Variants in PIK3C2B observed in about 807,000 individuals in gnomAD.
PIK3C2B encodes phosphatidylinositol-4-phosphate 3-kinase catalytic subunit type 2 beta.
PIK3C2B carries 83 observed loss-of-function variants against 184.3 expected under a neutral mutation model. The ratio of observed to expected loss-of-function variants is 0.45; its 90% CI spans 0.38 to 0.54. The LOEUF (loss-of-function observed/expected upper bound fraction) is 0.54. Ranked by LOEUF, PIK3C2B falls within the 20% of genes least tolerant of loss-of-function variation. PIK3C2B has a pLI of 0.00. For missense variants in PIK3C2B, 1,736 were observed against 2,113.5 expected, an observed-to-expected ratio of 0.82 and a Z score of 3.50; for synonymous variants, 779 against 837.6, an observed-to-expected ratio of 0.93 and a Z score of 1.21.
intron 1 of PIK3C2B, among the ~76,000 whole-genome samples, chr1:204,474,757 T>C (rs1285401514): frequency 1.3e-5 from 2 of 151,996 alleles, no homozygotes; most frequent in Admixed American, 6.6e-5. Flanking sequence ...TCCAAATATG[T>C]ATCTCTCCTT....
Position 204,469,119 on chromosome 1 carries a change from A to G in PIK3C2B, c.684T>C (p.Tyr228=). The part of the protein sequence containing the change: ...GQGRLLGSVD[Y]DGINDAITRL... ...TAGTAATTGCATCATTGATACCATC[A>G]TAGTCCACAGACCCCAGTAGGCGCC... Residue 228 remains tyrosine, a synonymous_variant, in exon 2 of 33, where the codon TAT becomes TAC. Transcript: ENST00000684373. 2 of 1,614,184 alleles carry G rather than the reference A, an allele frequency of 1.2e-6. No homozygotes were observed. The highest frequency in any genetic ancestry group is 4.5e-5 in the East Asian group (2 of 44,880).
At chr1:204,492,135 G>T (rs553873082) in intron 1 of PIK3C2B, among the ~76,000 whole-genome samples, 3 of 152,100 alleles carry the variant, frequency 2.0e-5, no homozygotes, top group Non-Finnish European at 4.4e-5. Context: ...CCTTATGTGG[G>T]AGGCTAAACC....
intron 2 of PIK3C2B, among the ~76,000 whole-genome samples, chr1:204,468,295 C>G (rs2999480): frequency 0.95 from 143,816 of 152,168 alleles, 68,161 homozygotes; most frequent in Non-Finnish European, 0.99. Flanking sequence ...GAGGAGGAGA[C>G]AGAAGGCTTA....
At chr1:204,450,398 G>T (rs924115023) in intron 12 of PIK3C2B, among the ~76,000 whole-genome samples, 1 of 152,094 alleles carries the variant, frequency 6.6e-6, no homozygotes, top group African/African-American at 2.4e-5. Flanking sequence ...CAGAGGGTCC[G>T]CAAAGCTACT....
intron 22 of PIK3C2B, among the ~76,000 whole-genome samples, chr1:204,439,624 T>TC (rs1218874000): frequency 6.6e-6 from 1 of 151,324 alleles, no homozygotes; most frequent in Non-Finnish European, 1.5e-5. Flanking sequence ...GTCTCTCTCC[T>TC]TCTCTCTCTC....
chr1:204,465,841 A>C (rs1371745632), intron 2 of PIK3C2B, among the ~76,000 whole-genome samples: 1 of 152,224 alleles, frequency 6.6e-6, no homozygotes, highest in Non-Finnish European at 1.5e-5. Context: ...TAGATAGAGG[A>C]GATGACTCAG....
chr1:204,443,458 G>A lies in PIK3C2B; in HGVS notation c.3007C>T (p.Leu1003=). ...QCWLVNALAK[L]AQQVREAAPS... is the part of the protein sequence containing the mutation. ...GCTGCCTCCCGGACCTGCTGGGCCA[G>A]TTTGGCCAGGGCATTGACAAGCCAG... Residue 1003 remains leucine, a synonymous_variant, in exon 19 of 33, where the codon CTG becomes TTG. Coordinates refer to ENST00000684373, the MANE Select transcript of PIK3C2B (RefSeq NM_001377334.1). 6.2e-7 allele frequency: 1 copy of A among 1,614,216 alleles called. No individual in the cohort carries two copies. The highest frequency in any genetic ancestry group is 8.5e-7 in the Non-Finnish European group (1 of 1,180,048).
At chr1:204,456,156 A>C (rs545518382) in intron 10 of PIK3C2B, 105 bp from the exon 11 acceptor site, 1 of 820,550 alleles carries the variant, frequency 1.2e-6, no homozygotes, top group Admixed American at 3.0e-5. Flanking sequence ...AGTGGTCCCC[A>C]AATGCTAGTC....
chr1:204,473,686 G>A (rs1321854829), intron 1 of PIK3C2B, among the ~76,000 whole-genome samples: 1 of 152,222 alleles, frequency 6.6e-6, no homozygotes, highest in Non-Finnish European at 1.5e-5. Flanking sequence ...CAGGCCATTG[G>A]AAATAATCTT....
intron 1 of PIK3C2B, among the ~76,000 whole-genome samples, chr1:204,476,323 G>A (rs1384745488): frequency 6.6e-6 from 1 of 152,118 alleles, no homozygotes; most frequent in Non-Finnish European, 1.5e-5. Context: ...GTAATCCCAA[G>A]GACTTTGGGA....
rs1675202045 is a variant in PIK3C2B at position 204,433,826 on chromosome 1, C to T, written c.3810G>A (p.Lys1270=). The T allele has an allele frequency of 1.9e-6, 3 of 1,614,166 alleles. No homozygotes were observed. The highest frequency in any genetic ancestry group is 2.5e-6 in the Non-Finnish European group (3 of 1,180,010). ...LCCQAYNLIR[K]HTHLFLNLLG... ...GAAGGTTGAGGAAGAGGTGGGTGTG[C>T]TTGCGAATGAGGTTGTAGGCTTGGC... The change falls in exon 25 of 33, where the codon AAG becomes AAA. Residue 1270 remains lysine, a synonymous_variant. Transcript: ENST00000684373. The surrounding 1 kb of genome is among the most constrained non-coding windows in gnomAD (Gnocchi z 5.0).
chr1:204,452,096 G>GTGCAAGAT (rs1654409799), intron 12 of PIK3C2B, among the ~76,000 whole-genome samples: 1 of 152,172 alleles, frequency 6.6e-6, no homozygotes, highest in East Asian at 1.9e-4. Flanking sequence ...TGGATGGACA[G>GTGCAAGAT]TGCAAGATAG....
intron 1 of PIK3C2B, among the ~76,000 whole-genome samples, chr1:204,480,340 C>T (rs1044380715): frequency 6.6e-6 from 1 of 152,182 alleles, no homozygotes; most frequent in Admixed American, 6.5e-5. Flanking sequence ...ACAGGGTCCT[C>T]CTTTCTGTCC....
At position 204,446,116 on chromosome 1, in the gene PIK3C2B, A is replaced by C. The variant is rs777045753; in HGVS notation, c.2518T>G (p.Trp840Gly). 6.3e-7 allele frequency: 1 copy of C among 1,578,898 alleles called. No individual in the cohort carries two copies. Among genetic ancestry groups the C allele is most frequent in the East Asian group, 2.3e-5 (1 of 44,202 alleles). ...WLTDADKKRL[W>G]EKRYYCHSEV... ...GAGTGGCAGTAATATCGCTTCTCCC[A>C]CAGGCGCTTCTTGTCAGCATCAGTG... Residue 840 changes from tryptophan to glycine, a missense_variant, in exon 16 of 33, where the codon TGG becomes GGG. Transcript: ENST00000684373.
At chr1:204,457,580 C>A (rs373090008) in intron 9 of PIK3C2B, 148 bp downstream of exon 9, 4 of 714,006 alleles carry the variant, frequency 5.6e-6, no homozygotes, top group East Asian at 3.1e-5. Context: ...AGAGCTCTTG[C>A]GGTTGAATTC....
chr1:204,438,314 C>T (rs1350668313), intron 23 of PIK3C2B, among the ~76,000 whole-genome samples: 2 of 152,192 alleles, frequency 1.3e-5, no homozygotes, highest in Admixed American at 6.5e-5. Context: ...TGGGAACAGG[C>T]CACGGACCCT....
rs771822085 is a variant in PIK3C2B, at chr1:204,430,089, G to C, written c.4281-51C>G. ...GATGCAGGAGGTGAAGATGGGGAAA[G>C]AAAATGGACACAATGGGCTTTTTTC... On this transcript the variant is annotated intron_variant, in intron 28 of 32. Coordinates refer to ENST00000684373, the MANE Select transcript of PIK3C2B (RefSeq NM_001377334.1). The C allele has an allele frequency of 3.5e-6, 4 of 1,148,426 alleles. No homozygotes were observed. In the African/African-American group the frequency reaches 4.5e-5, roughly 13 times the overall value. 71.1% of individuals were successfully genotyped at this position (1,148,426 alleles called of 1,614,324 possible).
In PIK3C2B at chr1:204,424,384, C is replaced by A. The variant is rs1486225424; in HGVS notation, c.*468G>T. ...AAGTCCAATAAGAACCTTAATCATA[C>A]AAAAAGTCCAAATAGTCTTCCTCTC... On this transcript the variant is annotated 3_prime_UTR_variant, in exon 33 of 33. Coordinates refer to ENST00000684373, the MANE Select transcript of PIK3C2B (RefSeq NM_001377334.1). 8.8e-6 allele frequency: 2 copies of A among 228,206 alleles called. No individual in the cohort carries two copies. Among genetic ancestry groups the A allele is most frequent in the East Asian group, 2.2e-4 (2 of 8,952 alleles). 14.1% of individuals were successfully genotyped at this position (228,206 alleles called of 1,614,324 possible). A position where few individuals can be genotyped will look rare whatever the true frequency, so the allele number is the denominator to read the frequency against.
At chr1:204,493,524 A>AACACACACAC (rs3038310) in intron 1 of PIK3C2B, among the ~76,000 whole-genome samples, 3,595 of 143,956 alleles carry the variant, frequency 0.025, 81 homozygotes, top group African/African-American at 0.059. Flanking sequence ...AATGGCAGAA[A>AACACACACAC]ACACACACAC....
Sources: gnomAD v4.1 joint callset for allele counts (sites outside exome capture counted in the v4.1 genomes callset) on GRCh38, gnomAD v4.1.1 for gene constraint, Gnocchi (gnomAD v3.1) non-coding constraint, MANE v1.5 for transcripts, NCBI Gene and HGNC (gene_info 2026-07-23, HGNC 2026-07-21) for gene names.